Variants in UBE4B observed in about 807,000 individuals in gnomAD.
The protein encoded by UBE4B is ubiquitin conjugation factor E4 B.
UBE4B carries 27 observed loss-of-function variants against 148.1 expected under a neutral mutation model. The ratio of observed to expected loss-of-function variants is 0.18; its 90% CI spans 0.13 to 0.25. UBE4B has a LOEUF of 0.25. Ranked by LOEUF, UBE4B falls within the 10% of genes least tolerant of loss-of-function variation. The pLI is 1.00. For missense variants in UBE4B, 1,170 were observed against 1,662.4 expected, an observed-to-expected ratio of 0.70 and a Z score of 5.15; for synonymous variants, 596 against 619.3, an observed-to-expected ratio of 0.96 and a Z score of 0.56.
intron 9 of UBE4B, among the ~76,000 whole-genome samples, chr1:10,121,152 G>A (rs1462947927): frequency 1.3e-5 from 2 of 151,858 alleles, no homozygotes; most frequent in African/African-American, 4.8e-5. Flanking sequence ...ATCACCTGAG[G>A]TTAGGAGTTT....
chr1:10,108,435 G>A (rs144030352), intron 7 of UBE4B, among the ~76,000 whole-genome samples: 6 of 152,278 alleles, frequency 3.9e-5, no homozygotes, highest in Non-Finnish European at 5.9e-5. Context: ...CCTGGAAACC[G>A]AGTGAAAAGC....
At chr1:10,107,083 A>G (rs780316678) in intron 7 of UBE4B, 8 of 647,620 alleles carry the variant, frequency 1.2e-5, no homozygotes, top group Non-Finnish European at 1.8e-5. Context: ...TCTATAATTT[A>G]GGTGAATTAT....
At chr1:10,100,309 T>A (rs1385276058) in intron 3 of UBE4B, among the ~76,000 whole-genome samples, 2 of 152,130 alleles carry the variant, frequency 1.3e-5, no homozygotes, top group Non-Finnish European at 2.9e-5. Flanking sequence ...ATTAAATTTT[T>A]AAAAATGTTT....
At position 10,168,675 on chromosome 1, in the gene UBE4B, G is replaced by A. The variant is rs967463601; in HGVS notation, c.3333+405G>A. 2.0e-5 allele frequency among the ~76,000 whole-genome samples: 3 copies of A among 152,138 alleles called. No individual in the cohort carries two copies. Among genetic ancestry groups the A allele is most frequent in the Non-Finnish European group, 4.4e-5 (3 of 68,012 alleles). On this transcript the variant is annotated intron_variant, in intron 24 of 27. Coordinates refer to ENST00000343090, the MANE Select transcript of UBE4B (RefSeq NM_001105562.3). This position sits in a 1 kb window ranked among gnomAD's most constrained non-coding sequence, Gnocchi z 4.9. ...TGGGAGCCCAAGGCGGGCAGATCAC[G>A]AGGTCAGGAGATGGAGACCATCCTG...
At chr1:10,050,395 A>G (rs1486014406) in intron 1 of UBE4B, among the ~76,000 whole-genome samples, 1 of 152,150 alleles carries the variant, frequency 6.6e-6, no homozygotes, top group East Asian at 1.9e-4. Flanking sequence ...TTTGAGATAT[A>G]TCAGGCATAG....
chr1:10,150,445 T>G (rs911560373), intron 20 of UBE4B, among the ~76,000 whole-genome samples: 2 of 152,226 alleles, frequency 1.3e-5, no homozygotes, highest in Non-Finnish European at 2.9e-5. Context: ...AATTTTTATG[T>G]TTTGGTAGTG....
At chr1:10,139,793 A>G (rs1645757029) in intron 17 of UBE4B, among the ~76,000 whole-genome samples, 1 of 152,134 alleles carries the variant, frequency 6.6e-6, no homozygotes, top group Non-Finnish European at 1.5e-5. Context: ...CAATGGTGCA[A>G]TCTTGGCTCA....
intron 8 of UBE4B, among the ~76,000 whole-genome samples, chr1:10,117,826 T>G (rs187338263): frequency 6.6e-6 from 1 of 152,320 alleles, no homozygotes; most frequent in Admixed American, 6.5e-5. Flanking sequence ...GGTTTGAACC[T>G]AGATGGCCTG....
chr1:10,046,444 G>A (rs1401099213), intron 1 of UBE4B, among the ~76,000 whole-genome samples: 1 of 152,164 alleles, frequency 6.6e-6, no homozygotes, highest in Admixed American at 6.6e-5. Context: ...GTGGTGGAGA[G>A]GTTAGGATAA....
chr1:10,120,290 G>A (rs1461993014), intron 9 of UBE4B, among the ~76,000 whole-genome samples: 1 of 152,192 alleles, frequency 6.6e-6, no homozygotes, highest in Non-Finnish European at 1.5e-5. Flanking sequence ...GGAGGCTGAG[G>A]CTGGCGGATC....
chr1:10,065,281 C>A (rs1644366478), intron 1 of UBE4B, among the ~76,000 whole-genome samples: 1 of 152,088 alleles, frequency 6.6e-6, no homozygotes, highest in Non-Finnish European at 1.5e-5. Flanking sequence ...GAGAAGGTAA[C>A]ATTTGAGCAA....
At chr1:10,111,082 C>T (rs1645211305) in intron 7 of UBE4B, among the ~76,000 whole-genome samples, 1 of 147,654 alleles carries the variant, frequency 6.8e-6, no homozygotes, top group Admixed American at 6.7e-5. Context: ...CACACACACA[C>T]ACACACACAC....
intron 12 of UBE4B, among the ~76,000 whole-genome samples, chr1:10,130,064 A>T (rs969898354): frequency 1.3e-5 from 2 of 151,576 alleles, no homozygotes; most frequent in African/African-American, 4.8e-5. Flanking sequence ...ATCCAATAGT[A>T]TCCTGAAACT....
At chr1:10,088,468 C>T (rs745859114) in intron 2 of UBE4B, among the ~76,000 whole-genome samples, 9 of 151,994 alleles carry the variant, frequency 5.9e-5, no homozygotes, top group African/African-American at 9.7e-5. Flanking sequence ...TTCCGCCTCC[C>T]GGGTTCAAGA....
chr1:10,075,360 A>G (rs962601325), intron 2 of UBE4B, among the ~76,000 whole-genome samples: 1 of 152,164 alleles, frequency 6.6e-6, no homozygotes, highest in African/African-American at 2.4e-5. Context: ...CTCCACCGCT[A>G]TTACCCAGGT....
chr1:10,120,803 A>C (rs904542427), intron 9 of UBE4B, among the ~76,000 whole-genome samples: 8 of 151,978 alleles, frequency 5.3e-5, no homozygotes, highest in Non-Finnish European at 8.8e-5. Context: ...ACGCCACTTC[A>C]CTCCAGCCTG....
chr1:10,065,847 C>A lies in UBE4B; in HGVS notation c.25-6181C>A, dbSNP rs529390892. Among the ~76,000 whole-genome samples, 11 of 152,180 alleles carry A rather than the reference C, an allele frequency of 7.2e-5. No individual in the cohort carries two copies. The South Asian group carries it at 2.3e-3, about 32-fold the overall frequency. ...TATAATTTGCACTAATAATAATGTT[C>A]ATTATAATGTAAATCTACATCCTTT... On this transcript the variant is annotated intron_variant, in intron 1 of 27. Transcript: ENST00000343090.
chr1:10,102,135 C>T lies in UBE4B; in HGVS notation c.436-813C>T, dbSNP rs527480322. On this transcript the variant is annotated intron_variant, in intron 4 of 27. Coordinates refer to ENST00000343090, the MANE Select transcript of UBE4B (RefSeq NM_001105562.3). ...AAACAAAGGAAAAAATAAGAAGTTG[C>T]ACTGTAGCCTCCTAGTGGTGCAGTG... 2.3e-3 allele frequency among the ~76,000 whole-genome samples: 351 copies of T among 152,118 alleles called. 4 individuals carry two copies. The highest frequency in any genetic ancestry group is 3.5e-3 in the Non-Finnish European group (241 of 67,996).
intron 12 of UBE4B, among the ~76,000 whole-genome samples, chr1:10,130,222 A>C (rs886080919): frequency 3.3e-5 from 5 of 151,846 alleles, no homozygotes; most frequent in African/African-American, 9.7e-5. Flanking sequence ...TTACAGGCGC[A>C]CACCACCACG....
Sources: allele counts gnomAD v4.1 joint callset (sites outside exome capture counted in the v4.1 genomes callset), GRCh38; gene constraint gnomAD v4.1.1; non-coding constraint Gnocchi (gnomAD v3.1); transcripts MANE v1.5; gene names NCBI Gene and HGNC (gene_info 2026-07-23, HGNC 2026-07-21).